The following MYO3A variants were observed in gnomAD, a reference collection of about 807,000 sequenced individuals.
MYO3A encodes myosin IIIA.
A neutral mutation model predicts 192.7 loss-of-function variants in MYO3A; 180 were observed. The observed-to-expected ratio is 0.93, with a 90% CI of 0.83 to 1.06. MYO3A has a LOEUF of 1.06. Ranked by LOEUF, MYO3A falls within the 50% of genes least tolerant of loss-of-function variation. The pLI, the probability that MYO3A is intolerant of heterozygous loss-of-function variation, is 0.00. For missense variants in MYO3A, 1,896 were observed against 1,905.0 expected, an observed-to-expected ratio of 1.00 and a Z score of 0.09; for synonymous variants, 628 against 645.3, an observed-to-expected ratio of 0.97 and a Z score of 0.41.
chr10:26,174,810 A>G (rs1422296025), intron 30 of MYO3A, among the ~76,000 whole-genome samples: 1 of 152,200 alleles, frequency 6.6e-6, no homozygotes, highest in African/African-American at 2.4e-5. Flanking sequence ...TGGTTTATAC[A>G]GCTTACTAAA....
chr10:26,141,222 G>A (rs1000892811), intron 20 of MYO3A, among the ~76,000 whole-genome samples: 9 of 152,098 alleles, frequency 5.9e-5, no homozygotes, highest in Middle Eastern at 3.4e-3. Flanking sequence ...CCACTGTGCC[G>A]GTACCTAAAT....
Position 26,174,003 on chromosome 10 carries a change from G to A in MYO3A, c.3739G>A (p.Glu1247Lys). The A allele has an allele frequency of 3.7e-6, 6 of 1,611,252 alleles. No homozygotes were observed. Among genetic ancestry groups the A allele is most frequent in the Non-Finnish European group, 5.1e-6 (6 of 1,179,296 alleles). The stretch of plus-strand genomic sequence containing the variant: ...GAGTTACTATCAGAGGTACACAGAG[G>A]AGAGGAATTGTGAAGAGTCAAAAGC... Reference protein sequence around the residue: ...IQSYYQRYTEERNCEESKAAY... With the variant: ...IQSYYQRYTEKRNCEESKAAY... Residue 1247 changes from glutamate (E) to lysine (K), a missense_variant, in exon 30 of 35, where the codon GAG becomes AAG. Physicochemically the swap from Glu to Lys is moderately conservative, Grantham distance 56. Coordinates refer to ENST00000642920, the MANE Select transcript of MYO3A (RefSeq NM_017433.5).
chr10:26,138,020 T>A (rs1310666566), intron 20 of MYO3A, among the ~76,000 whole-genome samples: 1 of 152,234 alleles, frequency 6.6e-6, no homozygotes, highest in Non-Finnish European at 1.5e-5. Context: ...TGGACCCTTA[T>A]CAGGAGTTTC....
chr10:26,187,811 G>A (rs1436623861), intron 31 of MYO3A, among the ~76,000 whole-genome samples: 5 of 151,908 alleles, frequency 3.3e-5, no homozygotes, highest in African/African-American at 4.8e-5. Flanking sequence ...TCCCTACAAA[G>A]GATATGAACT....
In MYO3A at chr10:26,026,389, A is replaced by G. The variant is rs558976134; in HGVS notation, c.810A>G (p.Lys270=). The change falls in exon 10 of 35, where the codon AAA becomes AAG. Residue 270 remains lysine, a synonymous_variant. Transcript: ENST00000642920. ...TTTGCCAGTGCAGGTGCTTGACTAAAGATTATGAAAAGCGTCCAACAGTGT... is the reference window on the plus strand; with the variant it reads ...TTTGCCAGTGCAGGTGCTTGACTAAGGATTATGAAAAGCGTCCAACAGTGT... ...FNDFISKCLT[K]DYEKRPTVSE... The G allele has an allele frequency of 5.6e-5, 90 of 1,614,040 alleles. No individual in the cohort carries two copies. Among genetic ancestry groups the G allele is most frequent in the Non-Finnish European group, 6.9e-5 (82 of 1,180,016 alleles).
At chr10:25,997,797 G>A (rs1328913518) in intron 6 of MYO3A, among the ~76,000 whole-genome samples, 2 of 152,174 alleles carry the variant, frequency 1.3e-5, no homozygotes, top group Non-Finnish European at 2.9e-5. Flanking sequence ...TCTGAGAAAG[G>A]CAGAGCTGAG....
At chr10:26,024,465 C>T (rs1411515957) in intron 9 of MYO3A, among the ~76,000 whole-genome samples, 1 of 152,158 alleles carries the variant, frequency 6.6e-6, no homozygotes, top group Non-Finnish European at 1.5e-5. Context: ...AGCCTGTTTA[C>T]ATTCAATGTT....
intron 2 of MYO3A, among the ~76,000 whole-genome samples, chr10:25,945,390 C>G (rs945567073): frequency 9.2e-5 from 14 of 152,046 alleles, no homozygotes; most frequent in African/African-American, 3.1e-4. Context: ...TCCAATTGGT[C>G]TATAGTGTTG....
chr10:26,178,525 C>A (rs1374158420), intron 31 of MYO3A, among the ~76,000 whole-genome samples: 1 of 150,720 alleles, frequency 6.6e-6, no homozygotes, highest in Non-Finnish European at 1.5e-5. Flanking sequence ...TGCACTCCAG[C>A]CTGGGTGACA....
intron 10 of MYO3A, 40 bp downstream of exon 10, chr10:26,026,572 T>C (rs1472511526): frequency 6.2e-7 from 1 of 1,606,786 alleles, no homozygotes; most frequent in South Asian, 1.1e-5. Context: ...CCAGAGATTA[T>C]TGAAAGATTT....
At chr10:26,053,595 G>A (rs532164957) in intron 10 of MYO3A, among the ~76,000 whole-genome samples, 2 of 152,290 alleles carry the variant, frequency 1.3e-5, no homozygotes, top group Non-Finnish European at 1.5e-5. Flanking sequence ...GGAGGCCATG[G>A]AGGGCGGATC....
rs965283559 is a variant in MYO3A, at chr10:26,016,737, A to G, written c.509-83A>G. 4 of 1,277,592 alleles carry G rather than the reference A, an allele frequency of 3.1e-6. No individual in the cohort carries two copies. The African/African-American group carries it at 5.9e-5, about 19-fold the overall frequency. The allele number at this position is 1,277,592 out of a possible 1,614,324, so 79.1% of individuals were successfully genotyped here. A position where few individuals can be genotyped will look rare whatever the true frequency, so the allele number is the denominator to read the frequency against. ...TTTGAGGAAATGGAATTTTAATATTAGTTTGCAAAAAAGATTATAGCAATT... is the reference window on the plus strand; with the variant it reads ...TTTGAGGAAATGGAATTTTAATATTGGTTTGCAAAAAAGATTATAGCAATT... On this transcript the variant is annotated intron_variant, in intron 6 of 34. Transcript: ENST00000642920.
intron 19 of MYO3A, among the ~76,000 whole-genome samples, chr10:26,126,603 A>G (rs1337196027): frequency 1.3e-5 from 2 of 152,122 alleles, no homozygotes; most frequent in Non-Finnish European, 2.9e-5. Flanking sequence ...ACGGTCATCT[A>G]TATTATGTCA....
At chr10:26,060,991 C>A (rs1834433848) in intron 10 of MYO3A, among the ~76,000 whole-genome samples, 2 of 151,920 alleles carry the variant, frequency 1.3e-5, no homozygotes, top group Admixed American at 1.3e-4. Context: ...TGCAGGGGTG[C>A]AATCTCAGCT....
At chr10:26,170,695 C>G (rs954897905) in intron 29 of MYO3A, among the ~76,000 whole-genome samples, 156 bp downstream of exon 29, 2 of 152,202 alleles carry the variant, frequency 1.3e-5, no homozygotes, top group African/African-American at 4.8e-5. Flanking sequence ...TTTGTGTTCT[C>G]TATCCTATTT....
rs751062266 is a variant in MYO3A, at chr10:26,143,641, TAG to T, written c.2416+43_2416+44del. ...CAGTGTGTCTGCATGGTTTTATGAA[TAG>T]AGTCTTGTCATTCTGAATGATTTTT... On this transcript the variant is annotated intron_variant, in intron 21 of 34. Transcript: ENST00000642920. The T allele has an allele frequency of 2.5e-6, 4 of 1,605,090 alleles. No individual in the cohort carries two copies. The Admixed American group carries it at 6.7e-5, about 27-fold the overall frequency.
At chr10:26,146,583 A>G (rs1374265107) in intron 22 of MYO3A, among the ~76,000 whole-genome samples, 2 of 152,126 alleles carry the variant, frequency 1.3e-5, no homozygotes, top group Non-Finnish European at 2.9e-5. Context: ...GTGGGGAGAA[A>G]TATCCCTGGT....
chr10:26,202,990 A>G lies in MYO3A; in HGVS notation c.4613A>G (p.Asp1538Gly). The G allele has an allele frequency of 8.1e-6, 13 of 1,613,734 alleles. No homozygotes were observed. The highest frequency in any genetic ancestry group is 1.1e-5 in the Non-Finnish European group (13 of 1,179,768). ...DSQGKLLDLE[D>G]FYYKEFLPSR... The stretch of plus-strand genomic sequence containing the variant: ...CAGGGAAAATTATTAGATTTGGAAG[A>G]TTTCTATTATAAGGAATTTTTGCCC... The change falls in exon 34 of 35, where the codon GAT becomes GGT. Residue 1538 changes from aspartate to glycine, a missense_variant. Physicochemically the swap from Asp to Gly is moderately conservative, Grantham distance 94. Transcript: ENST00000642920.
At chr10:26,020,547 G>A (rs79591668) in intron 7 of MYO3A, among the ~76,000 whole-genome samples, 9,651 of 152,148 alleles carry the variant, frequency 0.063, 402 homozygotes, top group Non-Finnish European at 0.094. Flanking sequence ...TTACAGTACT[G>A]TATTTAAATG....
Sources: gnomAD v4.1 joint callset for allele counts (sites outside exome capture counted in the v4.1 genomes callset) on GRCh38, gnomAD v4.1.1 for gene constraint, MANE v1.5 for transcripts, NCBI Gene and HGNC (gene_info 2026-07-23, HGNC 2026-07-21) for gene names.